The following SDK1 variants were observed in gnomAD, a reference collection of about 807,000 sequenced individuals.
SDK1 encodes the protein protein sidekick-1.
A neutral mutation model predicts 245.5 loss-of-function variants in SDK1; 157 were observed. The observed-to-expected ratio is 0.64, with a 90% CI of 0.56 to 0.73. The LOEUF is 0.73. Ranked by LOEUF, SDK1 falls within the 30% of genes least tolerant of loss-of-function variation. The pLI, the probability that SDK1 is intolerant of heterozygous loss-of-function variation, is 0.00. For missense variants in SDK1, 3,583 were observed against 3,002.3 expected, an observed-to-expected ratio of 1.19 and a Z score of -4.52; for synonymous variants, 1,647 against 1,278.5, an observed-to-expected ratio of 1.29 and a Z score of -6.15.
chr7:4,154,547 G>T (rs676044), intron 30 of SDK1, among the ~76,000 whole-genome samples: 1 of 151,948 alleles, frequency 6.6e-6, no homozygotes, highest in Non-Finnish European at 1.5e-5. Context: ...GCTCCGGGGT[G>T]GGGGAGCCAG....
intron 32 of SDK1, among the ~76,000 whole-genome samples, chr7:4,172,688 G>A (rs1781925694): frequency 1.3e-5 from 2 of 152,188 alleles, no homozygotes; most frequent in African/African-American, 4.8e-5. Flanking sequence ...CAAACTCAAG[G>A]TGTCGGCAGG....
rs370492968 is a variant in SDK1 at position 4,239,241 on chromosome 7, G to A, written c.6130+1457G>A. On this transcript the variant is annotated intron_variant, in intron 42 of 44. Transcript: ENST00000404826. ...GACCTTGTGACTCCATTTACATGAA[G>A]GCCAGGAACACCCACAGTGAATGGA... Among the ~76,000 whole-genome samples, 11 of 152,292 alleles carry A rather than the reference G, an allele frequency of 7.2e-5. No individual in the cohort carries two copies. The South Asian group carries it at 2.3e-3, about 32-fold the overall frequency.
chr7:3,647,918 A>G (rs980706094), intron 4 of SDK1, among the ~76,000 whole-genome samples: 1 of 152,202 alleles, frequency 6.6e-6, no homozygotes. Context: ...AACGCTGTTG[A>G]TGAGGCAGAA....
intron 20 of SDK1, among the ~76,000 whole-genome samples, chr7:4,075,608 C>T (rs1014610802): frequency 6.6e-6 from 1 of 151,992 alleles, no homozygotes; most frequent in Non-Finnish European, 1.5e-5. Context: ...CATTAACTCC[C>T]CTCCACGCGG....
chr7:3,880,643 G>A (rs1289230751), intron 5 of SDK1, among the ~76,000 whole-genome samples: 1 of 147,930 alleles, frequency 6.8e-6, no homozygotes. Flanking sequence ...AGAGGGCTGA[G>A]TGCTGCTGTA....
chr7:3,533,804 G>C (rs1013287478), intron 1 of SDK1, among the ~76,000 whole-genome samples: 2 of 150,156 alleles, frequency 1.3e-5, no homozygotes, highest in African/African-American at 4.9e-5. Flanking sequence ...CTTGTTTCAC[G>C]ATAATTTTTT....
chr7:3,401,783 A>C (rs187052919), intron 1 of SDK1, among the ~76,000 whole-genome samples: 1 of 152,116 alleles, frequency 6.6e-6, no homozygotes, highest in Non-Finnish European at 1.5e-5. Context: ...TAATTTTTCA[A>C]ATACTTAAAC....
At chr7:3,750,444 A>C (rs745372692) in intron 4 of SDK1, among the ~76,000 whole-genome samples, 6 of 152,238 alleles carry the variant, frequency 3.9e-5, no homozygotes, top group Non-Finnish European at 8.8e-5. Context: ...TACTTGTTAA[A>C]GACCAGTAAG....
intron 1 of SDK1, among the ~76,000 whole-genome samples, chr7:3,484,796 C>A (rs1486321516): frequency 1.3e-5 from 2 of 152,142 alleles, no homozygotes; most frequent in Non-Finnish European, 2.9e-5. Flanking sequence ...GCTTAATGTC[C>A]TCCAGTTATA....
rs115560836 is a variant in SDK1, at chr7:3,732,240, C to T, written c.714-89210C>T. ...ACTATTTTTTGTTTTGTCAGTAGAGCGTGGGAAAACGGCTGATTTTCAAAT... is the reference window on the plus strand; with the variant it reads ...ACTATTTTTTGTTTTGTCAGTAGAGTGTGGGAAAACGGCTGATTTTCAAAT... On this transcript the variant is annotated intron_variant, in intron 4 of 44. Transcript: ENST00000404826. Among the ~76,000 whole-genome samples the T allele has an allele frequency of 7.5e-3, 1,145 of 152,078 alleles. 16 individuals are homozygous for T. The highest frequency in any genetic ancestry group is 0.027 in the African/African-American group (1,106 of 41,456).
At chr7:4,122,109 C>T (rs1046202239) in intron 25 of SDK1, among the ~76,000 whole-genome samples, 2 of 152,058 alleles carry the variant, frequency 1.3e-5, no homozygotes, top group Non-Finnish European at 2.9e-5. Flanking sequence ...ATCTCAGGGG[C>T]CCAGATGCTG....
chr7:3,890,745 G>T (rs1436878315), intron 5 of SDK1, among the ~76,000 whole-genome samples: 1 of 151,920 alleles, frequency 6.6e-6, no homozygotes, highest in Non-Finnish European at 1.5e-5. Flanking sequence ...AGTTCGAGAC[G>T]AGCCTGGGCA....
chr7:3,993,297 A>T (rs548734042), intron 14 of SDK1, among the ~76,000 whole-genome samples: 2 of 152,288 alleles, frequency 1.3e-5, no homozygotes, highest in Middle Eastern at 6.8e-3. Context: ...CCCATGGCTG[A>T]AACAGAAGAA....
chr7:3,713,157 G>A (rs1785097324), intron 4 of SDK1, among the ~76,000 whole-genome samples: 1 of 152,246 alleles, frequency 6.6e-6, no homozygotes, highest in Admixed American at 6.5e-5. Flanking sequence ...ACACCCCTGA[G>A]ATAAGCACTT....
At chr7:3,517,937 A>G (rs1399279823) in intron 1 of SDK1, among the ~76,000 whole-genome samples, 2 of 152,084 alleles carry the variant, frequency 1.3e-5, no homozygotes, top group African/African-American at 4.8e-5. Context: ...TTTAATGGTA[A>G]TTCATTTGAA....
At chr7:3,722,989 T>G (rs539620037) in intron 4 of SDK1, among the ~76,000 whole-genome samples, 5 of 152,310 alleles carry the variant, frequency 3.3e-5, no homozygotes, top group African/African-American at 9.6e-5. Flanking sequence ...CATTACTCTT[T>G]GGGAGAAGAA....
At chr7:4,052,403 C>A (rs911967370) in intron 19 of SDK1, among the ~76,000 whole-genome samples, 1 of 151,790 alleles carries the variant, frequency 6.6e-6, no homozygotes, top group African/African-American at 2.4e-5. Context: ...CAAGGCGGCT[C>A]GTTACAGTTA....
chr7:3,986,575 T>C (rs1783844488), intron 13 of SDK1, among the ~76,000 whole-genome samples: 1 of 152,234 alleles, frequency 6.6e-6, no homozygotes, highest in Non-Finnish European at 1.5e-5. Flanking sequence ...ATAATGTATG[T>C]GTAGGCCGGG....
intron 1 of SDK1, among the ~76,000 whole-genome samples, chr7:3,474,236 G>A (rs889368774): frequency 6.6e-6 from 1 of 150,840 alleles, no homozygotes; most frequent in South Asian, 2.1e-4. Context: ...CCAAGTAGTG[G>A]TGGCGTGCGC....
Sources: gnomAD v4.1 joint callset for allele counts (sites outside exome capture counted in the v4.1 genomes callset) on GRCh38, gnomAD v4.1.1 for gene constraint, MANE v1.5 for transcripts, NCBI Gene and HGNC (gene_info 2026-07-23, HGNC 2026-07-21) for gene names.